Variants in FBXL4 observed in about 807,000 individuals in gnomAD.
The protein encoded by FBXL4 is F-box and leucine rich repeat protein 4, also known as F-box/LRR-repeat protein 4.
FBXL4 carries 40 observed loss-of-function variants against 58.9 expected under a neutral mutation model. That is an observed-to-expected ratio of 0.68 (90% CI 0.53 to 0.88). FBXL4 has a LOEUF of 0.88. FBXL4 is among the 40% of genes least tolerant of loss of function. The pLI, the probability that FBXL4 is intolerant of heterozygous loss-of-function variation, is 0.00. For missense variants in FBXL4, 676 were observed against 734.4 expected (o/e 0.92, Z 0.92); for synonymous variants, 263 against 265.5 (o/e 0.99, Z 0.09).
intron 7 of FBXL4, among the ~76,000 whole-genome samples, chr6:98,892,170 T>C (rs1287572107): frequency 3.3e-5 from 5 of 152,250 alleles, no homozygotes; most frequent in Non-Finnish European, 7.3e-5. Context: ...ATTAAAACTA[T>C]TGATTCTTGA....
chr6:98,934,002 A>C (rs946422341), intron 2 of FBXL4, among the ~76,000 whole-genome samples: 6 of 152,240 alleles, frequency 3.9e-5, no homozygotes, highest in Non-Finnish European at 8.8e-5. Context: ...GGAATAGTAC[A>C]TATATTGAAA....
At chr6:98,947,628 A>T (rs1360318259) in intron 1 of FBXL4, among the ~76,000 whole-genome samples, 178 bp downstream of exon 1, 2 of 152,106 alleles carry the variant, frequency 1.3e-5, no homozygotes, top group African/African-American at 4.8e-5. Flanking sequence ...GCAAGCGTGA[A>T]GCGGAGGCGC....
intron 2 of FBXL4, among the ~76,000 whole-genome samples, chr6:98,932,319 C>G (rs1463922822): frequency 6.6e-6 from 1 of 152,050 alleles, no homozygotes; most frequent in Non-Finnish European, 1.5e-5. Flanking sequence ...CAAGGAATAC[C>G]AAAACAACAG....
chr6:98,887,700 A>T (rs1771087743), intron 7 of FBXL4, among the ~76,000 whole-genome samples: 1 of 152,254 alleles, frequency 6.6e-6, no homozygotes, highest in African/African-American at 2.4e-5. Context: ...TTGCTGAATA[A>T]GAGACGTGAG....
intron 4 of FBXL4, among the ~76,000 whole-genome samples, chr6:98,922,076 C>T (rs1419294948): frequency 6.6e-6 from 1 of 152,120 alleles, no homozygotes; most frequent in Non-Finnish European, 1.5e-5. Flanking sequence ...TACAGGTGCC[C>T]GCCACCACGC....
rs770907606 is a variant in FBXL4, at chr6:98,917,398, C to T, written c.834G>A (p.Gly278=). The change falls in exon 5 of 10, where the codon GGG becomes GGA. Residue 278 remains glycine (G), a synonymous_variant. Coordinates refer to ENST00000369244, the MANE Select transcript of FBXL4 (RefSeq NM_001278716.2). ...SAVLGEGPNN[G]YFDKLPYELI... The stretch of plus-strand genomic sequence containing the variant: ...CCTCATAAGGTAGTTTATCAAAATA[C>T]CCATTATTTGGCCCTTCCCCGAGGA... 1.2e-6 allele frequency: 2 copies of T among 1,608,304 alleles called. No homozygotes were observed. Among genetic ancestry groups the T allele is most frequent in the Non-Finnish European group, 1.7e-6 (2 of 1,177,118 alleles).
At chr6:98,897,931 A>G (rs1771463752) in intron 7 of FBXL4, among the ~76,000 whole-genome samples, 1 of 152,192 alleles carries the variant, frequency 6.6e-6, no homozygotes, top group Non-Finnish European at 1.5e-5. Context: ...AATCTTTACC[A>G]AGTACTATTC....
rs17058965 is a variant in FBXL4, at chr6:98,926,560, T to C, written c.429A>G (p.Leu143=). The C allele has an allele frequency of 8.3e-4, 1,344 of 1,614,162 alleles. 10 individuals are homozygous for C. The African/African-American group carries it at 0.016, about 19-fold the overall frequency. The part of the protein sequence containing the change: ...QQVYPTAVHV[L]ETYHPGAVIR... ...TGACTGCTCCGGGATGATAGGTTTC[T>C]AGAACATGTACAGCTGTAGGATACA... The change falls in exon 4 of 10, where the codon CTA becomes CTG. Residue 143 remains leucine (L), a synonymous_variant. Transcript: ENST00000369244.
chr6:98,917,743 A>G lies in FBXL4; in HGVS notation c.513-24T>C, dbSNP rs1772424822. On this transcript the variant is annotated intron_variant, in intron 4 of 9. Coordinates refer to ENST00000369244, the MANE Select transcript of FBXL4 (RefSeq NM_001278716.2). The stretch of plus-strand genomic sequence containing the variant: ...ATCTGCCAAAAAAAGAAACTTCCCT[A>G]TAATACAGTTTAGAATGAGATCTAC... 5.2e-6 allele frequency: 8 copies of G among 1,542,600 alleles called. No homozygotes were observed. In the Admixed American group the frequency reaches 5.8e-5, roughly 11 times the overall value.
At chr6:98,890,883 C>T (rs921237887) in intron 7 of FBXL4, among the ~76,000 whole-genome samples, 2 of 151,616 alleles carry the variant, frequency 1.3e-5, no homozygotes, top group Non-Finnish European at 2.9e-5. Flanking sequence ...CGCTCCACTG[C>T]ACTACAGCCT....
intron 7 of FBXL4, chr6:98,898,725 C>T (rs1771494893): frequency 2.0e-6 from 2 of 984,388 alleles, no homozygotes; most frequent in Non-Finnish European, 2.4e-6. Flanking sequence ...TATGGTATAA[C>T]ATACACTATT....
At chr6:98,898,225 C>A in intron 7 of FBXL4, 2 of 918,982 alleles carry the variant, frequency 2.2e-6, no homozygotes, top group Non-Finnish European at 2.6e-6. Flanking sequence ...AAAACAAAAG[C>A]CCTGAGCTGG....
chr6:98,913,841 C>T (rs969953098), intron 5 of FBXL4, among the ~76,000 whole-genome samples: 5 of 151,920 alleles, frequency 3.3e-5, no homozygotes, highest in African/African-American at 1.2e-4. Context: ...GAAATAGAGA[C>T]ATAAAAAAAC....
chr6:98,871,877 T>C lies in FBXL4; in HGVS notation c.*2401A>G, dbSNP rs1294354497. The C allele has an allele frequency of 6.6e-6, 1 of 152,234 alleles. No individual in the cohort carries two copies. The highest frequency in any genetic ancestry group is 1.9e-4 in the East Asian group (1 of 5,204). 9.4% of individuals were successfully genotyped at this position (152,234 alleles called of 1,614,324 possible). ...GCGTTCAGGGCTGATATTGACATTT[T>C]TCTGAAAAAGAAGACATGTCCTCAA... On this transcript the variant is annotated 3_prime_UTR_variant, in exon 10 of 10. Transcript: ENST00000369244.
chr6:98,927,857 T>C (rs1344620637), intron 2 of FBXL4, 35 bp from the exon 3 acceptor site: 1 of 152,216 alleles, frequency 6.6e-6, no homozygotes, highest in Non-Finnish European at 1.5e-5. Context: ...TATTTTTATG[T>C]CCAAGTCACA....
Position 98,872,800 on chromosome 6 carries a change from T to C in FBXL4, c.*1478A>G, listed in dbSNP as rs1479533636. The C allele has an allele frequency of 6.6e-6, 1 of 152,186 alleles. No individual in the cohort carries two copies. The highest frequency in any genetic ancestry group is 2.4e-5 in the African/African-American group (1 of 41,444). The allele number at this position is 152,186 out of a possible 1,614,324, so 9.4% of individuals were successfully genotyped here. ...AGCCAGATGGCCTGGGTTTATATGT[T>C]GGCTCTGCCACTAGCAGCTGTATGA... On this transcript the variant is annotated 3_prime_UTR_variant, in exon 10 of 10. Coordinates refer to ENST00000369244, the MANE Select transcript of FBXL4 (RefSeq NM_001278716.2).
chr6:98,916,720 A>G (rs1289979538), intron 5 of FBXL4, among the ~76,000 whole-genome samples: 1 of 152,006 alleles, frequency 6.6e-6, no homozygotes, highest in Non-Finnish European at 1.5e-5. Context: ...CTAATGCTAA[A>G]TGACGAGTTG....
intron 3 of FBXL4, 148 bp from the exon 4 acceptor site, chr6:98,927,208 T>C: frequency 2.1e-6 from 1 of 473,494 alleles, no homozygotes; most frequent in Non-Finnish European, 3.7e-6. Flanking sequence ...TGAAGTCTGG[T>C]ATAAATAAAT....
chr6:98,924,237 G>A (rs1187525156), intron 4 of FBXL4, among the ~76,000 whole-genome samples: 1 of 152,142 alleles, frequency 6.6e-6, no homozygotes, highest in Non-Finnish European at 1.5e-5. Context: ...AAGAATGTCA[G>A]AGTCCTAATA....
Sources: gnomAD v4.1 joint callset for allele counts (sites outside exome capture counted in the v4.1 genomes callset) on GRCh38, gnomAD v4.1.1 for gene constraint, MANE v1.5 for transcripts, NCBI Gene and HGNC (gene_info 2026-07-23, HGNC 2026-07-21) for gene names.